The following NLRP13 variants were observed in gnomAD, a reference collection of about 807,000 sequenced individuals.
NLRP13 encodes the protein NACHT, LRR and PYD domains-containing protein 13.
A neutral mutation model predicts 94.4 loss-of-function variants in NLRP13; 82 were observed. The ratio of observed to expected loss-of-function variants is 0.87; its 90% CI spans 0.73 to 1.04. The LOEUF (loss-of-function observed/expected upper bound fraction) is 1.04. Among genes scored for constraint, NLRP13 ranks in the 50% least tolerant of loss-of-function variants. The probability of loss-of-function intolerance (pLI) is 0.00; values close to 1 mark genes in which losing one functional copy is unlikely to be tolerated. For synonymous variants in NLRP13, 553 were observed against 464.7 expected, an observed-to-expected ratio of 1.19 and a Z score of -2.45; for missense variants, 1,426 against 1,230.8, an observed-to-expected ratio of 1.16 and a Z score of -2.37.
chr19:55,892,040 C>T (rs1025457045), downstream of NLRP13: 17 of 1,165,514 alleles, frequency 1.5e-5, no homozygotes, highest in South Asian at 4.3e-5. Context: ...TAAAATCCCA[C>T]GCACACTTGA....
intron 4 of NLRP13, among the ~76,000 whole-genome samples, chr19:55,916,778 A>G (rs1027999566): frequency 6.6e-6 from 1 of 152,174 alleles, no homozygotes. Flanking sequence ...AAGAGCAAAA[A>G]GTTTTAAAAA....
chr19:55,924,785 G>A, intron 2 of NLRP13, 127 bp from the exon 3 acceptor site: 1 of 879,016 alleles, frequency 1.1e-6, no homozygotes, highest in Non-Finnish European at 1.9e-6. Context: ...GGAGGAATCA[G>A]TATGCCCAGT....
chr19:55,929,345 G>A (rs149270222), intron 1 of NLRP13, among the ~76,000 whole-genome samples: 2,274 of 152,252 alleles, frequency 0.015, 60 homozygotes, highest in African/African-American at 0.052. Flanking sequence ...TTGCAGCACT[G>A]TTCACAATAG....
intron 4 of NLRP13, among the ~76,000 whole-genome samples, chr19:55,914,091 G>C (rs12979484): frequency 6.5e-4 from 99 of 152,340 alleles, no homozygotes; most frequent in African/African-American, 2.1e-3. Flanking sequence ...TGAGGGCTTA[G>C]ACTCTAGGTT....
chr19:55,907,901 C>A lies in NLRP13; in HGVS notation c.2338G>T (p.Gly780Cys), dbSNP rs1986399067. ...VLQDLIIALQ[G>C]NSKLTHLNFS... Reference sequence around the variant, plus strand: ...TTCAGATGGGTCAGCTTGCTGTTACCCTGAAGGGCAATAATGAGGTCCTGC... The same window carrying A: ...TTCAGATGGGTCAGCTTGCTGTTACACTGAAGGGCAATAATGAGGTCCTGC... Residue 780 changes from glycine to cysteine, a missense_variant, in exon 7 of 11, where the codon GGT becomes TGT. Coordinates refer to ENST00000342929, the MANE Select transcript of NLRP13 (RefSeq NM_176810.2). 4 of 1,613,218 alleles carry A rather than the reference C, an allele frequency of 2.5e-6. No individual in the cohort carries two copies. Among genetic ancestry groups the A allele is most frequent in the Middle Eastern group, 1.6e-4 (1 of 6,076 alleles).
At chr19:55,908,080 A>G in intron 6 of NLRP13, 124 bp from the exon 7 acceptor site, 1 of 823,096 alleles carries the variant, frequency 1.2e-6, no homozygotes, top group Non-Finnish European at 1.9e-6. Flanking sequence ...TACACAAGGA[A>G]TTAAAAACAA....
intron 9 of NLRP13, among the ~76,000 whole-genome samples, chr19:55,900,755 G>A (rs1986143916): frequency 7.7e-6 from 1 of 129,518 alleles, no homozygotes; most frequent in Middle Eastern, 5.9e-3. Context: ...CAGCCTGAGT[G>A]ACAGAACAAG....
intron 4 of NLRP13, among the ~76,000 whole-genome samples, chr19:55,922,205 C>T (rs1463013180): frequency 1.3e-5 from 2 of 152,232 alleles, no homozygotes; most frequent in East Asian, 1.9e-4. Context: ...CCAGGTCCCT[C>T]CCATGACACA....
rs187566018 is a variant in NLRP13, at chr19:55,925,919, T to C, written c.320-884A>G. On this transcript the variant is annotated intron_variant, in intron 1 of 10. Coordinates refer to ENST00000342929, the MANE Select transcript of NLRP13 (RefSeq NM_176810.2). Reference sequence around the variant, plus strand: ...ACCCATGTTAGCCTAGGCCAAATAATCCCAGCTCTCTGAAGCTCCACAGAC... The same window carrying C: ...ACCCATGTTAGCCTAGGCCAAATAACCCCAGCTCTCTGAAGCTCCACAGAC... 2.5e-3 allele frequency among the ~76,000 whole-genome samples: 376 copies of C among 152,120 alleles called. 2 individuals carry two copies. Among genetic ancestry groups the C allele is most frequent in the Non-Finnish European group, 4.0e-3 (275 of 68,004 alleles).
At position 55,912,678 on chromosome 19, in the gene NLRP13, A is replaced by C. The variant is rs746194240; in HGVS notation, c.1139T>G (p.Phe380Cys). Residue 380 changes from phenylalanine (F) to cysteine (C), a missense_variant, in exon 5 of 11, where the codon TTT becomes TGT. Coordinates refer to ENST00000342929, the MANE Select transcript of NLRP13 (RefSeq NM_176810.2). The stretch of plus-strand genomic sequence containing the variant: ...CCCTGTGAACCCTGTAATTTGTACA[A>C]AGCATGGATTCACTAATGAGGCCTT... ...DLKASLVNPC[F>C]VQITGFTGDD... is the part of the protein sequence containing the mutation. 6.2e-7 allele frequency: 1 copy of C among 1,614,172 alleles called. No homozygotes were observed. The highest frequency in any genetic ancestry group is 1.3e-5 in the African/African-American group (1 of 75,052).
intron 10 of NLRP13, among the ~76,000 whole-genome samples, chr19:55,896,499 C>A (rs169991): frequency 0.27 from 34,480 of 125,646 alleles, 4,572 homozygotes; most frequent in East Asian, 0.43. Flanking sequence ...TCCAGCCTGG[C>A]GACAGCAAGA....
chr19:55,926,953 G>C (rs184926099), intron 1 of NLRP13, among the ~76,000 whole-genome samples: 1 of 152,000 alleles, frequency 6.6e-6, no homozygotes, highest in South Asian at 2.1e-4. Flanking sequence ...AACAAATGGT[G>C]CTGGAGCCAA....
In NLRP13 at chr19:55,924,701, T is replaced by A. The variant is rs1256481852; in HGVS notation, c.389-43A>T. On this transcript the variant is annotated intron_variant, in intron 2 of 10. Transcript: ENST00000342929. ...GATGAGATATGAAAATACCCCAGAG[T>A]GAAAATGGGCCAGCAATAATGGAAG... The A allele has an allele frequency of 3.9e-6, 6 of 1,547,210 alleles. No homozygotes were observed. In the African/African-American group the frequency reaches 4.1e-5, roughly 11 times the overall value.
chr19:55,901,049 C>T (rs1986155642), intron 9 of NLRP13, among the ~76,000 whole-genome samples: 1 of 152,212 alleles, frequency 6.6e-6, no homozygotes, highest in Non-Finnish European at 1.5e-5. Context: ...GGCTCAGGGT[C>T]TCTAATGGGC....
chr19:55,930,767 T>C (rs1475053292), intron 1 of NLRP13, among the ~76,000 whole-genome samples: 1 of 148,878 alleles, frequency 6.7e-6, no homozygotes, highest in Non-Finnish European at 1.5e-5. Context: ...ACAGCTCTCA[T>C]AGGCAGTCAG....
rs1215977848 is a variant in NLRP13, at chr19:55,912,752, G to A, written c.1065C>T (p.Pro355=). Residue 355 remains proline (P), a synonymous_variant, in exon 5 of 11, where the codon CCC becomes CCT. Coordinates refer to ENST00000342929, the MANE Select transcript of NLRP13 (RefSeq NM_176810.2). ...TGATCGTGATCAGTAAGGTAGCCAGGGGAACCAATTCTTTCTTCAACAAGC... is the reference window on the plus strand; with the variant it reads ...TGATCGTGATCAGTAAGGTAGCCAGAGGAACCAATTCTTTCTTCAACAAGC... ...LHSLLKKELV[P]LATLLITIKT... is the part of the protein sequence containing the mutation. 6.2e-7 allele frequency: 1 copy of A among 1,614,034 alleles called. No homozygotes were observed. The highest frequency in any genetic ancestry group is 1.3e-5 in the African/African-American group (1 of 74,910).
At chr19:55,928,399 T>A (rs1019690732) in intron 1 of NLRP13, among the ~76,000 whole-genome samples, 2 of 152,114 alleles carry the variant, frequency 1.3e-5, no homozygotes, top group Non-Finnish European at 1.5e-5. Flanking sequence ...GTATCCAGAA[T>A]TTTTTAAATT....
chr19:55,922,603 G>A (rs770543678), intron 4 of NLRP13, among the ~76,000 whole-genome samples: 20 of 152,180 alleles, frequency 1.3e-4, no homozygotes, highest in African/African-American at 2.4e-4. Flanking sequence ...TGGGATTACC[G>A]GCGTGAGCCA....
At chr19:55,899,363 A>G (rs1428238917) in intron 9 of NLRP13, among the ~76,000 whole-genome samples, 1 of 152,188 alleles carries the variant, frequency 6.6e-6, no homozygotes, top group Non-Finnish European at 1.5e-5. Context: ...AGTTCAAAAT[A>G]GTTAATCCAG....
Sources: gnomAD v4.1 joint callset for allele counts (sites outside exome capture counted in the v4.1 genomes callset) on GRCh38, gnomAD v4.1.1 for gene constraint, MANE v1.5 for transcripts, NCBI Gene and HGNC (gene_info 2026-07-23, HGNC 2026-07-21) for gene names.